The following SEPTIN9 variants were observed in gnomAD, a reference collection of about 807,000 sequenced individuals.
SEPTIN9 encodes septin-9.
In SEPTIN9, 13 loss-of-function variants were observed where a neutral mutation model predicts 56.6. The ratio of observed to expected loss-of-function variants is 0.23; its 90% confidence interval spans 0.15 to 0.37. SEPTIN9 has a LOEUF of 0.37. Ranked by LOEUF, SEPTIN9 falls within the 10% of genes least tolerant of loss-of-function variation. The probability of loss-of-function intolerance (pLI) is 1.00; values close to 1 mark genes in which losing one functional copy is unlikely to be tolerated. For synonymous variants in SEPTIN9, 332 were observed against 334.1 expected, an observed-to-expected ratio of 0.99 and a Z score of 0.07; for missense variants, 650 against 823.1, an observed-to-expected ratio of 0.79 and a Z score of 2.57.
At position 77,317,229 on chromosome 17, in the gene SEPTIN9, C is replaced by G. The variant is rs1259875825; in HGVS notation, c.76+10032C>G. ...CTCACAGCTCTGCAGGCCACACATC[C>G]GAGATCAGGGTCACCAGGCTGAAAT... On this transcript the variant is annotated intron_variant, in intron 2 of 11. Coordinates refer to ENST00000427177, the MANE Select transcript of SEPTIN9 (RefSeq NM_001113491.2). The surrounding 1 kb of genome is among the most constrained non-coding windows in gnomAD (Gnocchi z 4.2). 6.6e-6 allele frequency among the ~76,000 whole-genome samples: 1 copy of G among 152,194 alleles called. No homozygotes were observed. Among genetic ancestry groups the G allele is most frequent in the Non-Finnish European group, 1.5e-5 (1 of 68,044 alleles).
At position 77,451,301 on chromosome 17, in the gene SEPTIN9, C is replaced by T. The variant is rs1742396121; in HGVS notation, c.722-30843C>T. 2.1e-5 allele frequency: 19 copies of T among 925,392 alleles called. No homozygotes were observed. Among genetic ancestry groups the T allele is most frequent in the Admixed American group, 6.2e-5 (1 of 16,244 alleles). The allele number at this position is 925,392 out of a possible 1,614,324, so 57.3% of individuals were successfully genotyped here. ...CGCTGGGCGCCCCTATCTCTGCCTG[C>T]CCCCTCCTCCTGCTCCCCTCGCCCT... On this transcript the variant is annotated intron_variant, in intron 3 of 11. Transcript: ENST00000427177. The surrounding 1 kb of genome is among the most constrained non-coding windows in gnomAD (Gnocchi z 4.2).
chr17:77,287,373 C>T (rs931584003), intron 1 of SEPTIN9, among the ~76,000 whole-genome samples: 1 of 152,240 alleles, frequency 6.6e-6, no homozygotes, highest in Non-Finnish European at 1.5e-5. Context: ...GGAGGCCTGG[C>T]ATTGGCCTGC....
intron 3 of SEPTIN9, among the ~76,000 whole-genome samples, chr17:77,409,641 C>T (rs761694053): frequency 4.6e-5 from 7 of 152,174 alleles, no homozygotes; most frequent in Non-Finnish European, 1.0e-4. Context: ...TGGGTGAGGC[C>T]GCCTCTCAGC....
At chr17:77,372,842 C>G (rs565313831) in intron 2 of SEPTIN9, among the ~76,000 whole-genome samples, 1 of 152,372 alleles carries the variant, frequency 6.6e-6, no homozygotes, top group Non-Finnish European at 1.5e-5. Flanking sequence ...CTTGAGCCCA[C>G]AGGCCGGGAT....
chr17:77,325,149 G>A (rs989655650), intron 2 of SEPTIN9, among the ~76,000 whole-genome samples: 2 of 152,134 alleles, frequency 1.3e-5, no homozygotes, highest in Admixed American at 6.5e-5. Context: ...CTTCTATGAC[G>A]TTCCACTTTA....
At chr17:77,314,473 C>G (rs1034056916) in intron 2 of SEPTIN9, among the ~76,000 whole-genome samples, 2 of 151,642 alleles carry the variant, frequency 1.3e-5, no homozygotes, top group African/African-American at 4.9e-5. Flanking sequence ...TGTGAGCCAC[C>G]ACACCCAGCA....
At chr17:77,488,928 C>T in intron 7 of SEPTIN9, 64 bp downstream of exon 7, 2 of 1,594,350 alleles carry the variant, frequency 1.3e-6, no homozygotes. Context: ...TCCCCTGGGA[C>T]TGCAAGACGG....
At position 77,450,911 on chromosome 17, in the gene SEPTIN9, G is replaced by A. The variant is rs1382586693; in HGVS notation, c.722-31233G>A. 1.5e-6 allele frequency: 1 copy of A among 653,074 alleles called. No homozygotes were observed. The highest frequency in any genetic ancestry group is 6.3e-5 in the Admixed American group (1 of 15,862). 40.5% of individuals were successfully genotyped at this position (653,074 alleles called of 1,614,324 possible). On this transcript the variant is annotated intron_variant, in intron 3 of 11. Coordinates refer to ENST00000427177, the MANE Select transcript of SEPTIN9 (RefSeq NM_001113491.2). The surrounding 1 kb of genome is among the most constrained non-coding windows in gnomAD (Gnocchi z 6.0). The stretch of plus-strand genomic sequence containing the variant: ...GGCTGTGTTCCAGCCCTGGCTGCAG[G>A]TCTGAATGGCTTTCTGGGGTGGCTG...
intron 3 of SEPTIN9, among the ~76,000 whole-genome samples, chr17:77,439,380 G>A (rs1486367253): frequency 6.6e-6 from 1 of 152,154 alleles, no homozygotes; most frequent in African/African-American, 2.4e-5. Flanking sequence ...GGGCCCCAGG[G>A]ACCAGAGGAC....
At chr17:77,408,060 G>A (rs766895877) in intron 3 of SEPTIN9, among the ~76,000 whole-genome samples, 11 of 151,988 alleles carry the variant, frequency 7.2e-5, no homozygotes, top group African/African-American at 1.9e-4. Flanking sequence ...CTCAGCGCTC[G>A]TTCATGGGTC....
intron 3 of SEPTIN9, among the ~76,000 whole-genome samples, chr17:77,416,450 G>A (rs1404102126): frequency 2.0e-5 from 3 of 152,184 alleles, no homozygotes; most frequent in Non-Finnish European, 4.4e-5. Flanking sequence ...TAACGGGGCC[G>A]GGGAGCTCTT....
intron 1 of SEPTIN9, among the ~76,000 whole-genome samples, chr17:77,293,907 C>T (rs148959990): frequency 1.8e-4 from 27 of 152,006 alleles, no homozygotes; most frequent in East Asian, 1.9e-4. Context: ...AGTTCAAGAC[C>T]GGTCCGGGCA....
chr17:77,338,138 G>A (rs972884577), intron 2 of SEPTIN9, among the ~76,000 whole-genome samples: 10 of 151,952 alleles, frequency 6.6e-5, no homozygotes, highest in African/African-American at 1.5e-4. Context: ...TGGAGGTTGC[G>A]GTGAGCTGAG....
rs528855917 is a variant in SEPTIN9 at position 77,476,989 on chromosome 17, C to CA, written c.722-5153dup. Among the ~76,000 whole-genome samples the CA allele has an allele frequency of 6.6e-6, 1 of 152,318 alleles. No individual in the cohort carries two copies. The highest frequency in any genetic ancestry group is 1.9e-4 in the East Asian group (1 of 5,188). ...CGTGCAGGTTTGTTACATAGGAATA[C>CA]AAGTGCCATAGTGGTTTGCTGCACC... On this transcript the variant is annotated intron_variant, in intron 3 of 11. Coordinates refer to ENST00000427177, the MANE Select transcript of SEPTIN9 (RefSeq NM_001113491.2). This position sits in a 1 kb window ranked among gnomAD's most constrained non-coding sequence, Gnocchi z 6.0.
chr17:77,335,083 T>C (rs73997499), intron 2 of SEPTIN9, among the ~76,000 whole-genome samples: 1,754 of 151,820 alleles, frequency 0.012, 29 homozygotes, highest in African/African-American at 0.039. Context: ...TATATACATA[T>C]CAGCCCTATA....
At chr17:77,312,433 C>G (rs563138665) in intron 2 of SEPTIN9, among the ~76,000 whole-genome samples, 6 of 152,318 alleles carry the variant, frequency 3.9e-5, no homozygotes, top group African/African-American at 1.4e-4. Context: ...GCTCGGGCCC[C>G]CCCTGGATGG....
rs560187439 is a variant in SEPTIN9 at position 77,434,306 on chromosome 17, C to T, written c.721+31603C>T. Among the ~76,000 whole-genome samples the T allele has an allele frequency of 7.5e-4, 115 of 152,318 alleles. No homozygotes were observed. Among genetic ancestry groups the T allele is most frequent in the African/African-American group, 2.7e-3 (113 of 41,564 alleles). On this transcript the variant is annotated intron_variant, in intron 3 of 11. Coordinates refer to ENST00000427177, the MANE Select transcript of SEPTIN9 (RefSeq NM_001113491.2). The surrounding 1 kb of genome is among the most constrained non-coding windows in gnomAD (Gnocchi z 5.0). The stretch of plus-strand genomic sequence containing the variant: ...TCCTTGTGCCTCCGTTCACCCTGTC[C>T]ACCCGCAGGGCCTGCAGGAGCATCC...
At chr17:77,320,013 G>C in intron 2 of SEPTIN9, 5 of 1,313,882 alleles carry the variant, frequency 3.8e-6, no homozygotes, top group Non-Finnish European at 4.9e-6. Flanking sequence ...ACTCCTCGGG[G>C]CCCACTTCGG....
In SEPTIN9 at chr17:77,482,212, G is replaced by C; in HGVS notation, c.790G>C (p.Ala264Pro). 6.2e-7 allele frequency: 1 copy of C among 1,612,356 alleles called. No individual in the cohort carries two copies. Among genetic ancestry groups the C allele is most frequent in the Non-Finnish European group, 8.5e-7 (1 of 1,179,598 alleles). Reference protein sequence around the residue: ...DTPRDAGLKQAPASRNEKAPV... With the variant: ...DTPRDAGLKQPPASRNEKAPV... Reference sequence around the variant, plus strand: ...CCCCAGAGATGCCGGGCTCAAGCAGGCGCCTGCATCACGGAACGAGAAGGC... The same window carrying C: ...CCCCAGAGATGCCGGGCTCAAGCAGCCGCCTGCATCACGGAACGAGAAGGC... The change falls in exon 4 of 12, where the codon GCG (alanine) becomes CCG (proline). Residue 264 changes from alanine to proline, a missense_variant. Ala to Pro is a conservative substitution (Grantham distance 27, BLOSUM62 -1). Coordinates refer to ENST00000427177, the MANE Select transcript of SEPTIN9 (RefSeq NM_001113491.2).
Sources: gnomAD v4.1 joint callset for allele counts (sites outside exome capture counted in the v4.1 genomes callset) on GRCh38, gnomAD v4.1.1 for gene constraint, Gnocchi (gnomAD v3.1) non-coding constraint, MANE v1.5 for transcripts, NCBI Gene and HGNC (gene_info 2026-07-23, HGNC 2026-07-21) for gene names.